FOXP1: variants seen among roughly 807,000 people sequenced by gnomAD.
FOXP1 encodes forkhead box P1.
A neutral mutation model predicts 98.2 loss-of-function variants in FOXP1; 15 were observed. The observed-to-expected ratio is 0.15, with a 90% confidence interval of 0.10 to 0.24. The LOEUF is 0.24. Ranked by LOEUF, FOXP1 falls within the 10% of genes least tolerant of loss-of-function variation. The probability of loss-of-function intolerance (pLI) is 1.00; values close to 1 mark genes in which losing one functional copy is unlikely to be tolerated. For synonymous variants in FOXP1, 371 were observed against 314.5 expected (o/e 1.18, Z -1.90); for missense variants, 633 against 848.5 (o/e 0.75, Z 3.15).
In FOXP1 at chr3:71,439,152, G is replaced by A. The variant is rs540324323; in HGVS notation, c.-168+54274C>T. 1.4e-3 allele frequency among the ~76,000 whole-genome samples: 214 copies of A among 152,332 alleles called. 2 individuals are homozygous for A. The highest frequency in any genetic ancestry group is 4.9e-3 in the African/African-American group (204 of 41,580). On this transcript the variant is annotated intron_variant, in intron 3 of 20. Coordinates refer to ENST00000649528, the MANE Select transcript of FOXP1 (RefSeq NM_001349338.3). ...AGGCCTTGCCACAGATGCAGAGCTC[G>A]GGCAGACTTCAGGCTACAAGCAGCA... is the stretch of plus-strand genomic sequence containing the variant.
At chr3:71,108,619 A>G (rs2057645492) in intron 7 of FOXP1, among the ~76,000 whole-genome samples, 2 of 152,140 alleles carry the variant, frequency 1.3e-5, no homozygotes, top group South Asian at 4.1e-4. Flanking sequence ...TACAAAAATT[A>G]TCTGGGCGTG....
At chr3:71,512,796 A>T (rs1339531187) in intron 2 of FOXP1, among the ~76,000 whole-genome samples, 1 of 152,182 alleles carries the variant, frequency 6.6e-6, no homozygotes, top group Non-Finnish European at 1.5e-5. Context: ...ACACACAGTA[A>T]TGAGGGAGGA....
At chr3:71,389,105 AATATTAC>A (rs2080827381) in intron 3 of FOXP1, among the ~76,000 whole-genome samples, 2 of 152,034 alleles carry the variant, frequency 1.3e-5, no homozygotes, top group East Asian at 3.9e-4. Context: ...ATAGGACAAA[AATATTAC>A]ATATCTTGAG....
chr3:71,418,428 TGG>T (rs2083384160), intron 3 of FOXP1, among the ~76,000 whole-genome samples: 1 of 152,204 alleles, frequency 6.6e-6, no homozygotes, highest in South Asian at 2.1e-4. Flanking sequence ...TTTTCCCTCA[TGG>T]GCTCCATAAT....
intron 3 of FOXP1, among the ~76,000 whole-genome samples, chr3:71,396,709 G>A (rs539532798): frequency 2.5e-4 from 35 of 139,444 alleles, no homozygotes; most frequent in African/African-American, 1.2e-3. Flanking sequence ...TTTAAAAAAT[G>A]TTTAAGAAGA....
intron 2 of FOXP1, among the ~76,000 whole-genome samples, chr3:71,548,098 A>G (rs573394085): frequency 1.8e-4 from 28 of 152,316 alleles, no homozygotes; most frequent in Admixed American, 2.0e-4. Flanking sequence ...CTTTGTCTCA[A>G]AGATAGACAG....
chr3:71,515,450 A>AAC (rs59897852), intron 2 of FOXP1, among the ~76,000 whole-genome samples: 2 of 72,466 alleles, frequency 2.8e-5, no homozygotes, highest in African/African-American at 7.5e-5. Flanking sequence ...AAAAAAAAAA[A>AAC]AAACTGCACA....
At chr3:71,448,665 CTT>C (rs2086670355) in intron 3 of FOXP1, among the ~76,000 whole-genome samples, 1 of 152,210 alleles carries the variant, frequency 6.6e-6, no homozygotes, top group Non-Finnish European at 1.5e-5. Context: ...TTCAAGAACA[CTT>C]TGCAAAATAC....
At chr3:71,113,777 GAAA>G (rs976584459) in intron 6 of FOXP1, among the ~76,000 whole-genome samples, 7 of 90,266 alleles carry the variant, frequency 7.8e-5, no homozygotes, top group Non-Finnish European at 1.7e-4. Context: ...AGTAAAAAAA[GAAA>G]AAAACAATGT....
chr3:71,353,758 A>G (rs1239974876), intron 4 of FOXP1, among the ~76,000 whole-genome samples: 2 of 152,196 alleles, frequency 1.3e-5, no homozygotes, highest in Non-Finnish European at 2.9e-5. Context: ...ACAGAGTGAG[A>G]CAGGTCCCTC....
chr3:71,335,217 C>T (rs2076593810), intron 4 of FOXP1: 2 of 151,800 alleles, frequency 1.3e-5, no homozygotes, highest in Non-Finnish European at 2.9e-5. Flanking sequence ...CCCAGGAGTT[C>T]GAAATTACAG....
chr3:71,079,552 T>C (rs2054189094), intron 7 of FOXP1, among the ~76,000 whole-genome samples: 1 of 152,234 alleles, frequency 6.6e-6, no homozygotes, highest in African/African-American at 2.4e-5. Flanking sequence ...ATCTGAGAGA[T>C]ATTGTGATCA....
intron 7 of FOXP1, among the ~76,000 whole-genome samples, chr3:71,088,911 T>C (rs887190463): frequency 6.6e-6 from 1 of 152,190 alleles, no homozygotes; most frequent in Non-Finnish European, 1.5e-5. Flanking sequence ...GCAAATCTTT[T>C]AGTGAAGTGA....
At chr3:71,157,736 C>CTAAGAGGCTAGTGATAT (rs1560037380) in intron 6 of FOXP1, among the ~76,000 whole-genome samples, 12 of 152,052 alleles carry the variant, frequency 7.9e-5, no homozygotes, top group Admixed American at 2.0e-4. Context: ...GCTAGTGATA[C>CTAAGAGGCTAGTGATAT]AAAGTTGGGC....
chr3:71,579,038 G>A (rs1030472826), intron 2 of FOXP1, among the ~76,000 whole-genome samples: 6 of 152,130 alleles, frequency 3.9e-5, no homozygotes, highest in African/African-American at 1.4e-4. Context: ...GAAACATGTT[G>A]TGCACCATGG....
chr3:71,260,230 G>A (rs571143429), intron 5 of FOXP1, among the ~76,000 whole-genome samples: 1 of 152,148 alleles, frequency 6.6e-6, no homozygotes, highest in Admixed American at 6.5e-5. Context: ...TGATCCGCCC[G>A]CCTCAGCCTC....
At chr3:70,986,609 T>C (rs971094064) in intron 14 of FOXP1, among the ~76,000 whole-genome samples, 2 of 152,186 alleles carry the variant, frequency 1.3e-5, no homozygotes, top group African/African-American at 2.4e-5. Context: ...AGGCTCACCA[T>C]TTTGCTTAGC....
At chr3:71,501,724 A>G (rs894636358) in intron 2 of FOXP1, among the ~76,000 whole-genome samples, 4 of 152,212 alleles carry the variant, frequency 2.6e-5, no homozygotes, top group Non-Finnish European at 4.4e-5. Flanking sequence ...TAGTCAAAAT[A>G]ATTTAATGCC....
chr3:71,522,620 C>T (rs1212824557), intron 2 of FOXP1, among the ~76,000 whole-genome samples: 3 of 152,202 alleles, frequency 2.0e-5, no homozygotes, highest in African/African-American at 7.2e-5. Flanking sequence ...TCAAATATAG[C>T]AGGTGGCACT....
Sources: gnomAD v4.1 joint callset for allele counts (sites outside exome capture counted in the v4.1 genomes callset) on GRCh38, gnomAD v4.1.1 for gene constraint, MANE v1.5 for transcripts, NCBI Gene and HGNC (gene_info 2026-07-23, HGNC 2026-07-21) for gene names.